The following LIMA1 variants were observed in gnomAD, a reference collection of about 807,000 sequenced individuals.
The protein encoded by LIMA1 is LIM domain and actin-binding protein 1.
A neutral mutation model predicts 62.6 loss-of-function variants in LIMA1; 52 were observed. The ratio of observed to expected loss-of-function variants is 0.83; its 90% confidence interval spans 0.67 to 1.05. The LOEUF (loss-of-function observed/expected upper bound fraction) is 1.05, where lower values mean the gene tolerates loss of function less well. Among genes scored for constraint, LIMA1 ranks in the 50% least tolerant of loss-of-function variants. The pLI is 0.00. For synonymous variants in LIMA1, 302 were observed against 317.8 expected, an observed-to-expected ratio of 0.95 and a Z score of 0.53; for missense variants, 780 against 902.2, an observed-to-expected ratio of 0.86 and a Z score of 1.74.
rs10539278 is a variant in LIMA1, at chr12:50,262,622, G to GTAAAATAAAATAAAATAAAA, written c.-23-13868_-23-13849dup. On this transcript the variant is annotated intron_variant, in intron 1 of 10. Transcript: ENST00000341247. ...GACCTGTTCTCTGCCAAAAAATAAA[G>GTAAAATAAAATAAAATAAAA]TAAAATAAAATAAAATAAAATAAAA... Among the ~76,000 whole-genome samples, 130 of 143,434 alleles carry GTAAAATAAAATAAAATAAAA rather than the reference G, an allele frequency of 9.1e-4. 1 individual carries two copies. The highest frequency in any genetic ancestry group is 1.7e-3 in the Non-Finnish European group (111 of 66,528). 94.1% of individuals were successfully genotyped at this position (143,434 alleles called of 152,430 possible).
At chr12:50,186,327 G>A (rs891882986) in intron 9 of LIMA1, 9 of 151,950 alleles carry the variant, frequency 5.9e-5, no homozygotes, top group African/African-American at 2.2e-4. Context: ...CAAGTAGAAA[G>A]TTAAACACCA....
intron 6 of LIMA1, 25 bp from the exon 7 acceptor site, chr12:50,200,909 A>C (rs1264378098): frequency 3.1e-6 from 5 of 1,608,806 alleles, no homozygotes; most frequent in African/African-American, 2.7e-5. Context: ...TAACTGTAAA[A>C]ATTTTTTTAA....
At chr12:50,180,433 C>G (rs921558586) in intron 10 of LIMA1, among the ~76,000 whole-genome samples, 1 of 152,152 alleles carries the variant, frequency 6.6e-6, no homozygotes, top group Non-Finnish European at 1.5e-5. Context: ...CAGGATCACA[C>G]CACTGCACTC....
chr12:50,191,957 C>A (rs1291855256), intron 9 of LIMA1, among the ~76,000 whole-genome samples: 1 of 151,074 alleles, frequency 6.6e-6, no homozygotes, highest in African/African-American at 2.5e-5. Context: ...CATGGTGAAA[C>A]CCTGTCTCTA....
At chr12:50,232,340 G>A (rs1230307298) in intron 2 of LIMA1, among the ~76,000 whole-genome samples, 1 of 151,222 alleles carries the variant, frequency 6.6e-6, no homozygotes, top group Non-Finnish European at 1.5e-5. Flanking sequence ...GAGATTACAG[G>A]CATGAGCCAC....
intron 4 of LIMA1, among the ~76,000 whole-genome samples, chr12:50,215,181 A>G (rs541017675): frequency 2.0e-5 from 3 of 152,334 alleles, no homozygotes; most frequent in East Asian, 1.9e-4. Context: ...CTTATGTACG[A>G]GTGTTATGCA....
chr12:50,266,149 T>C (rs1318759776), intron 1 of LIMA1, among the ~76,000 whole-genome samples: 1 of 152,214 alleles, frequency 6.6e-6, no homozygotes, highest in African/African-American at 2.4e-5. Context: ...AGGTAACCTC[T>C]GTCAAAGTCT....
rs1409281072 is a variant in LIMA1, at chr12:50,205,979, C to T, written c.715+5G>A. ...GACCTCATACACATGGAACTCTCTG[C>T]TTACCTGGGCCTATTTCCAGGTCAT... is the stretch of plus-strand genomic sequence containing the variant. On this transcript the variant is annotated splice_donor_5th_base_variant and intron_variant, in intron 5 of 10. Transcript: ENST00000341247. The T allele has an allele frequency of 1.2e-6, 2 of 1,607,752 alleles. No homozygotes were observed. Among genetic ancestry groups the T allele is most frequent in the Non-Finnish European group, 1.7e-6 (2 of 1,175,282 alleles).
chr12:50,192,247 G>A (rs1397979390), intron 9 of LIMA1, among the ~76,000 whole-genome samples: 2 of 152,008 alleles, frequency 1.3e-5, no homozygotes, highest in Non-Finnish European at 2.9e-5. Context: ...AGTCATTAGT[G>A]AGCCTTCTCG....
intron 7 of LIMA1, among the ~76,000 whole-genome samples, chr12:50,197,788 T>C: frequency 6.8e-6 from 1 of 146,046 alleles, no homozygotes; most frequent in Middle Eastern, 3.2e-3. Flanking sequence ...TGGGAATATT[T>C]TTCTCTTAAA....
At chr12:50,271,705 A>G (rs769885355) in intron 1 of LIMA1, among the ~76,000 whole-genome samples, 4 of 152,250 alleles carry the variant, frequency 2.6e-5, no homozygotes, top group Non-Finnish European at 4.4e-5. Context: ...TCCTCTGAAC[A>G]GCATATTTCT....
chr12:50,193,864 C>A (rs1205305978), intron 8 of LIMA1, among the ~76,000 whole-genome samples: 2 of 149,082 alleles, frequency 1.3e-5, no homozygotes, highest in African/African-American at 4.9e-5. Context: ...CAGGGTTTCA[C>A]CATGTTGCCC....
chr12:50,180,386 A>G (rs988558649), intron 10 of LIMA1, among the ~76,000 whole-genome samples: 3 of 151,928 alleles, frequency 2.0e-5, no homozygotes, highest in Non-Finnish European at 2.9e-5. Flanking sequence ...GAGGCATGAG[A>G]ATCGCTTGAA....
Position 50,209,567 on chromosome 12 carries a change from CAAAAA to C in LIMA1, c.631-3504_631-3500del, listed in dbSNP as rs1203309856. On this transcript the variant is annotated intron_variant, in intron 4 of 10. Coordinates refer to ENST00000341247, the MANE Select transcript of LIMA1 (RefSeq NM_016357.5). ...TAGGTGACAGAGCGAGACTCCATCTCAAAAAAAAAAAAAAAAAAAAGAAAAAAGAT... is the reference window on the plus strand; with the variant it reads ...TAGGTGACAGAGCGAGACTCCATCTCAAAAAAAAAAAAAAAGAAAAAAGAT... Among the ~76,000 whole-genome samples, 5 of 61,682 alleles carry C rather than the reference CAAAAA, an allele frequency of 8.1e-5. 1 individual carries two copies. The highest frequency in any genetic ancestry group is 1.7e-4 in the African/African-American group (3 of 17,926). The allele number at this position is 61,682 out of a possible 152,430, so 40.5% of individuals were successfully genotyped here.
At chr12:50,187,620 G>C (rs532586902) in intron 9 of LIMA1, 2 of 152,336 alleles carry the variant, frequency 1.3e-5, no homozygotes, top group East Asian at 3.9e-4. Context: ...CACTCTTCTA[G>C]CATAATTTTG....
At chr12:50,210,188 C>T (rs573422432) in intron 4 of LIMA1, among the ~76,000 whole-genome samples, 1 of 151,788 alleles carries the variant, frequency 6.6e-6, no homozygotes, top group Non-Finnish European at 1.5e-5. Context: ...TTTGGGAGGC[C>T]GAGGCAGGTG....
intron 4 of LIMA1, among the ~76,000 whole-genome samples, chr12:50,215,837 G>C (rs1941335708): frequency 1.3e-5 from 2 of 152,052 alleles, no homozygotes; most frequent in African/African-American, 4.8e-5. Context: ...ATCACTTGAG[G>C]CTGGGAGTTC....
At chr12:50,213,497 T>C (rs1007275842) in intron 4 of LIMA1, among the ~76,000 whole-genome samples, 41 of 152,272 alleles carry the variant, frequency 2.7e-4, no homozygotes, top group African/African-American at 7.7e-4. Context: ...AAAATTGGGA[T>C]TGTAAAGTTC....
chr12:50,228,157 C>T (rs1286663957), intron 3 of LIMA1, among the ~76,000 whole-genome samples: 2 of 152,164 alleles, frequency 1.3e-5, no homozygotes, highest in East Asian at 1.9e-4. Context: ...CGCGCCGGGC[C>T]TGATATGGTA....
Sources: gnomAD v4.1 joint callset for allele counts (sites outside exome capture counted in the v4.1 genomes callset) on GRCh38, gnomAD v4.1.1 for gene constraint, MANE v1.5 for transcripts, NCBI Gene and HGNC (gene_info 2026-07-23, HGNC 2026-07-21) for gene names.